The following CAMK4 variants were observed in gnomAD, a reference collection of about 807,000 sequenced individuals.
CAMK4 encodes the protein calcium/calmodulin-dependent protein kinase type IV.
Under a neutral mutation model 44.9 loss-of-function variants are expected in CAMK4, and 22 were observed. The ratio of observed to expected loss-of-function variants is 0.49; its 90% CI spans 0.35 to 0.70. CAMK4 has a LOEUF of 0.70. CAMK4 is among the 30% of genes least tolerant of loss of function. The probability of loss-of-function intolerance (pLI) is 0.01; values close to 1 mark genes in which losing one functional copy is unlikely to be tolerated. For missense variants in CAMK4, 498 were observed against 586.8 expected, an observed-to-expected ratio of 0.85 and a Z score of 1.56; for synonymous variants, 218 against 215.4, an observed-to-expected ratio of 1.01 and a Z score of -0.11.
At chr5:111,454,059 A>T (rs997878711) in intron 7 of CAMK4, among the ~76,000 whole-genome samples, 1 of 152,222 alleles carries the variant, frequency 6.6e-6, no homozygotes. Context: ...CTGCAACCAG[A>T]AAAGCTTTTT....
chr5:111,321,916 A>T (rs1051592722), intron 1 of CAMK4, among the ~76,000 whole-genome samples: 1 of 152,142 alleles, frequency 6.6e-6, no homozygotes, highest in Non-Finnish European at 1.5e-5. Flanking sequence ...ACTCTTAATA[A>T]ATGCATAAAG....
Position 111,367,158 on chromosome 5 carries a change from C to G in CAMK4, c.241-7692C>G, listed in dbSNP as rs1280356003. Among the ~76,000 whole-genome samples the G allele has an allele frequency of 9.1e-4, 136 of 149,502 alleles. 3 individuals are homozygous for G. The highest frequency in any genetic ancestry group is 1.0e-4 in the Non-Finnish European group (7 of 67,586). On this transcript the variant is annotated intron_variant, in intron 2 of 10. Transcript: ENST00000282356. ...GTTGCTATAAACAGAATACCGCATT[C>G]TAGATAATAAACAGAAATGTATTTG...
At chr5:111,408,804 A>G (rs1341383011) in intron 5 of CAMK4, among the ~76,000 whole-genome samples, 2 of 152,190 alleles carry the variant, frequency 1.3e-5, no homozygotes, top group Non-Finnish European at 2.9e-5. Context: ...AAATGGGAGA[A>G]ATTGGCCAAA....
intron 5 of CAMK4, among the ~76,000 whole-genome samples, chr5:111,426,409 A>G (rs184824492): frequency 1.4e-4 from 22 of 152,350 alleles, no homozygotes; most frequent in African/African-American, 4.6e-4. Context: ...CACTGTGAAC[A>G]TAATTTTAAA....
chr5:111,270,947 G>A (rs919627723), intron 1 of CAMK4, among the ~76,000 whole-genome samples: 2 of 152,160 alleles, frequency 1.3e-5, no homozygotes, highest in Non-Finnish European at 2.9e-5. Flanking sequence ...TTACAATCAT[G>A]GCAGAAGGGG....
At chr5:111,351,397 C>A (rs1392615785) in intron 2 of CAMK4, among the ~76,000 whole-genome samples, 1 of 150,398 alleles carries the variant, frequency 6.6e-6, no homozygotes, top group Middle Eastern at 3.2e-3. Context: ...TTGGAATTTT[C>A]TTTTTCTTTT....
chr5:111,481,876 C>T (rs1402725366), intron 9 of CAMK4: 1 of 152,102 alleles, frequency 6.6e-6, no homozygotes, highest in Non-Finnish European at 1.5e-5. Context: ...GTTATATATG[C>T]ATCTAAGAAG....
At chr5:111,372,555 A>G (rs555900594) in intron 2 of CAMK4, among the ~76,000 whole-genome samples, 126 of 152,230 alleles carry the variant, frequency 8.3e-4, no homozygotes, top group African/African-American at 2.7e-3. Flanking sequence ...GGAGAGAGAG[A>G]TTATCTGAGT....
chr5:111,469,569 C>T (rs1455226207), intron 7 of CAMK4, among the ~76,000 whole-genome samples: 2 of 152,120 alleles, frequency 1.3e-5, no homozygotes, highest in African/African-American at 2.4e-5. Flanking sequence ...TATTCATTTT[C>T]CTTAGAGTTC....
intron 7 of CAMK4, among the ~76,000 whole-genome samples, chr5:111,452,030 T>C (rs920180513): frequency 1.3e-5 from 2 of 152,360 alleles, no homozygotes; most frequent in South Asian, 2.1e-4. Context: ...CATTTTATAA[T>C]ATTGTTTTAA....
chr5:111,477,297 T>G (rs1015951006), intron 8 of CAMK4, among the ~76,000 whole-genome samples: 2 of 152,236 alleles, frequency 1.3e-5, no homozygotes, highest in Non-Finnish European at 2.9e-5. Context: ...CAGTGGGACA[T>G]TCTGTGAGTA....
At chr5:111,433,785 G>T (rs1753546435) in intron 5 of CAMK4, among the ~76,000 whole-genome samples, 1 of 152,194 alleles carries the variant, frequency 6.6e-6, no homozygotes. Flanking sequence ...TGTGTGGCTA[G>T]GGCATGGCAA....
At chr5:111,298,598 G>C (rs1747586658) in intron 1 of CAMK4, among the ~76,000 whole-genome samples, 1 of 152,196 alleles carries the variant, frequency 6.6e-6, no homozygotes, top group Non-Finnish European at 1.5e-5. Context: ...CTCTTGGTTT[G>C]TGCAGGTGCG....
At chr5:111,243,107 TA>T (rs1171852269) in intron 1 of CAMK4, among the ~76,000 whole-genome samples, 1 of 152,166 alleles carries the variant, frequency 6.6e-6, no homozygotes, top group East Asian at 1.9e-4. Context: ...TAAAGCACAG[TA>T]AGGCAGATTT....
In CAMK4 at chr5:111,250,654, A is replaced by G. The variant is rs148046149; in HGVS notation, c.161+26010A>G. On this transcript the variant is annotated intron_variant, in intron 1 of 10. Transcript: ENST00000282356. ...ATCTGCTTTATTCTTTGTCTTTTCT[A>G]TTCTTACCTAGATCCTGTTTTACCA... Among the ~76,000 whole-genome samples the G allele has an allele frequency of 3.7e-4, 56 of 151,858 alleles. No individual in the cohort carries two copies. The East Asian group carries it at 9.3e-3, about 25-fold the overall frequency.
intron 1 of CAMK4, among the ~76,000 whole-genome samples, chr5:111,240,888 A>G (rs1267897710): frequency 1.3e-5 from 2 of 152,222 alleles, no homozygotes; most frequent in African/African-American, 4.8e-5. Context: ...TAGAACCCCC[A>G]GTGGCAACGA....
chr5:111,333,353 A>C (rs539948555), intron 1 of CAMK4, among the ~76,000 whole-genome samples: 1 of 151,824 alleles, frequency 6.6e-6, no homozygotes, highest in African/African-American at 2.4e-5. Context: ...ACTTTTCGCA[A>C]GATGTTTGAT....
intron 5 of CAMK4, among the ~76,000 whole-genome samples, chr5:111,399,584 A>C (rs961992653): frequency 2.6e-4 from 40 of 152,348 alleles, no homozygotes; most frequent in African/African-American, 9.6e-4. Flanking sequence ...CTGAATAAGT[A>C]AATGGAAATT....
Position 111,469,160 on chromosome 5 carries a change from AAAAAAAAAAAAAATATATATAT to A in CAMK4, c.626-4149_626-4128del, listed in dbSNP as rs1261395384. Among the ~76,000 whole-genome samples, 718 of 91,174 alleles carry A rather than the reference AAAAAAAAAAAAAATATATATAT, an allele frequency of 7.9e-3. 4 individuals are homozygous for A. Among genetic ancestry groups the A allele is most frequent in the Non-Finnish European group, 0.011 (545 of 48,888 alleles). The allele number at this position is 91,174 out of a possible 152,430, so 59.8% of individuals were successfully genotyped here. On this transcript the variant is annotated intron_variant, in intron 7 of 10. Coordinates refer to ENST00000282356, the MANE Select transcript of CAMK4 (RefSeq NM_001744.6). ...ACTCCATCTCAAAAAAAAAAAAAAA[AAAAAAAAAAAAAATATATATAT>A]ATATATATATATATATATATATATT...
Sources: allele counts gnomAD v4.1 joint callset (sites outside exome capture counted in the v4.1 genomes callset), GRCh38; gene constraint gnomAD v4.1.1; transcripts MANE v1.5; gene names NCBI Gene and HGNC (gene_info 2026-07-23, HGNC 2026-07-21).